MTUS2: variants seen among roughly 807,000 people sequenced by gnomAD.
MTUS2 encodes microtubule-associated tumor suppressor candidate 2.
MTUS2 carries 40 observed loss-of-function variants against 114.1 expected under a neutral mutation model. The observed-to-expected ratio is 0.35, with a 90% CI of 0.27 to 0.46. The LOEUF (loss-of-function observed/expected upper bound fraction) is 0.46. Ranked by LOEUF, MTUS2 falls within the 20% of genes least tolerant of loss-of-function variation. The probability of loss-of-function intolerance (pLI) is 1.00; values close to 1 mark genes in which losing one functional copy is unlikely to be tolerated. For synonymous variants in MTUS2, 688 were observed against 672.0 expected (o/e 1.02, Z -0.37); for missense variants, 1,679 against 1,705.4 (o/e 0.98, Z 0.27).
At chr13:29,304,322 C>A (rs6490383) in intron 6 of MTUS2, among the ~76,000 whole-genome samples, 123,859 of 152,116 alleles carry the variant, frequency 0.81, 50,884 homozygotes, top group Admixed American at 0.88. Flanking sequence ...GCTAACTGCC[C>A]TGATTGAAAG....
chr13:29,241,533 C>T (rs1481115169), intron 5 of MTUS2, among the ~76,000 whole-genome samples: 8 of 152,082 alleles, frequency 5.3e-5, no homozygotes, highest in East Asian at 1.9e-4. Flanking sequence ...TCAGAGCGGC[C>T]GCCCTCCCCC....
At chr13:29,353,181 A>G (rs1869444251) in intron 7 of MTUS2, among the ~76,000 whole-genome samples, 1 of 152,112 alleles carries the variant, frequency 6.6e-6, no homozygotes, top group African/African-American at 2.4e-5. Context: ...TTATTGCCAT[A>G]GTATTTTTTT....
chr13:29,270,439 G>C (rs1373569706), intron 5 of MTUS2, among the ~76,000 whole-genome samples: 2 of 152,156 alleles, frequency 1.3e-5, no homozygotes, highest in African/African-American at 4.8e-5. Context: ...AGCCAAGCGA[G>C]TCAGAGCCAA....
In MTUS2 at chr13:28,825,940, T is replaced by C. The variant is rs112520420; in HGVS notation, c.-316+5329T>C. On this transcript the variant is annotated intron_variant, in intron 1 of 15. Transcript: ENST00000612955. ...GACTCTTCTCTGTGCCTGTCATGAC[T>C]TCATGTGGTCTCTTACTTTGCAAGC... Among the ~76,000 whole-genome samples, 313 of 152,288 alleles carry C rather than the reference T, an allele frequency of 2.1e-3. 1 individual carries two copies. Among genetic ancestry groups the C allele is most frequent in the African/African-American group, 6.8e-3 (284 of 41,554 alleles).
chr13:29,471,042 A>G (rs56913054), intron 9 of MTUS2, among the ~76,000 whole-genome samples: 3,601 of 152,040 alleles, frequency 0.024, 149 homozygotes, highest in African/African-American at 0.081. Context: ...AATTTTTACT[A>G]TCTGAAATTT....
At chr13:29,142,295 A>T (rs1379514419) in intron 5 of MTUS2, among the ~76,000 whole-genome samples, 1 of 152,172 alleles carries the variant, frequency 6.6e-6, no homozygotes, top group African/African-American at 2.4e-5. Flanking sequence ...CACCTTTAAT[A>T]TGTCTGATTC....
chr13:29,422,016 A>T (rs755153728), intron 8 of MTUS2, among the ~76,000 whole-genome samples: 1 of 152,238 alleles, frequency 6.6e-6, no homozygotes, highest in Admixed American at 6.5e-5. Context: ...TGTACTTTTT[A>T]TAAAGCATTG....
intron 1 of MTUS2, among the ~76,000 whole-genome samples, chr13:28,829,941 A>C (rs957481602): frequency 6.6e-6 from 1 of 152,204 alleles, no homozygotes; most frequent in Non-Finnish European, 1.5e-5. Flanking sequence ...GAGGCTTTGC[A>C]TAAGTAAAGT....
At chr13:29,475,216 G>A (rs1880607490) in intron 9 of MTUS2, among the ~76,000 whole-genome samples, 1 of 152,126 alleles carries the variant, frequency 6.6e-6, no homozygotes, top group South Asian at 2.1e-4. Context: ...TGACGTCAGA[G>A]CCTCATAGCA....
In MTUS2 at chr13:29,503,319, G is replaced by T. The variant is rs970958709; in HGVS notation, c.*113G>T. The T allele has an allele frequency of 3.3e-6, 4 of 1,199,260 alleles. No homozygotes were observed. The highest frequency in any genetic ancestry group is 4.7e-6 in the Non-Finnish European group (4 of 843,820). The allele number at this position is 1,199,260 out of a possible 1,614,324, so 74.3% of individuals were successfully genotyped here. A position where few individuals can be genotyped will look rare whatever the true frequency, so the allele number is the denominator to read the frequency against. ...CCCTGTGCGCATGCTCAGTAGCTGC[G>T]AATGCATCCTAGGCGCGTCCTCCTC... On this transcript the variant is annotated 3_prime_UTR_variant, in exon 16 of 16. Transcript: ENST00000612955.
chr13:29,100,335 A>T (rs1197485051), intron 4 of MTUS2, among the ~76,000 whole-genome samples: 1 of 152,230 alleles, frequency 6.6e-6, no homozygotes, highest in Non-Finnish European at 1.5e-5. Context: ...AAACTGCTTA[A>T]AATTACTAGT....
intron 5 of MTUS2, among the ~76,000 whole-genome samples, chr13:29,140,361 T>A (rs1258981887): frequency 6.6e-6 from 1 of 152,194 alleles, no homozygotes; most frequent in African/African-American, 2.4e-5. Flanking sequence ...CAACACAGTA[T>A]TTTCTGGCAC....
In MTUS2 at chr13:29,370,488, G is replaced by T. The variant is rs373490648; in HGVS notation, c.3117+11015G>T. On this transcript the variant is annotated intron_variant, in intron 8 of 15. Coordinates refer to ENST00000612955, the MANE Select transcript of MTUS2 (RefSeq NM_001033602.4). Reference sequence around the variant, plus strand: ...GACCCTGTCTCTTGAAAGAAAGAAAGAAGTGATTAGGCTACACCCTCATTA... The same window carrying T: ...GACCCTGTCTCTTGAAAGAAAGAAATAAGTGATTAGGCTACACCCTCATTA... Among the ~76,000 whole-genome samples the T allele has an allele frequency of 3.3e-5, 5 of 152,238 alleles. No individual in the cohort carries two copies. In the East Asian group the frequency reaches 9.7e-4, roughly 29 times the overall value.
intron 5 of MTUS2, among the ~76,000 whole-genome samples, chr13:29,199,679 TG>T (rs1010274323): frequency 1.2e-4 from 19 of 152,196 alleles, no homozygotes; most frequent in African/African-American, 4.3e-4. Flanking sequence ...TGCCAGGTTT[TG>T]GTATCAGGAT....
At chr13:29,062,462 T>G (rs999184010) in intron 4 of MTUS2, among the ~76,000 whole-genome samples, 2 of 152,172 alleles carry the variant, frequency 1.3e-5, no homozygotes, top group African/African-American at 4.8e-5. Context: ...CTAAGTACCA[T>G]CACACTGGCA....
chr13:28,902,043 C>T (rs567452876), intron 2 of MTUS2, among the ~76,000 whole-genome samples: 3 of 151,990 alleles, frequency 2.0e-5, no homozygotes, highest in East Asian at 3.9e-4. Flanking sequence ...TTGAAGTTTC[C>T]GTATGTGTTT....
intron 5 of MTUS2, among the ~76,000 whole-genome samples, chr13:29,108,811 A>G (rs1890771655): frequency 6.6e-6 from 1 of 152,238 alleles, no homozygotes; most frequent in South Asian, 2.1e-4. Context: ...AGGCTGGCTC[A>G]GCACTACTGC....
chr13:29,429,801 T>A (rs1211786346), intron 8 of MTUS2, among the ~76,000 whole-genome samples: 1 of 152,208 alleles, frequency 6.6e-6, no homozygotes, highest in Non-Finnish European at 1.5e-5. Flanking sequence ...GCTTGAGGTA[T>A]GTGACCAGGA....
chr13:29,478,241 G>A (rs911780753), intron 9 of MTUS2, among the ~76,000 whole-genome samples: 13 of 152,322 alleles, frequency 8.5e-5, no homozygotes, highest in African/African-American at 3.1e-4. Context: ...GGAGTAACTC[G>A]TGAAACTGAA....
Sources: allele counts gnomAD v4.1 joint callset (sites outside exome capture counted in the v4.1 genomes callset), GRCh38; gene constraint gnomAD v4.1.1; transcripts MANE v1.5; gene names NCBI Gene and HGNC (gene_info 2026-07-23, HGNC 2026-07-21).